Variants in RPS6KA4 observed in about 807,000 individuals in gnomAD.
The protein encoded by RPS6KA4 is ribosomal protein S6 kinase alpha-4.
RPS6KA4 carries 38 observed loss-of-function variants against 89.6 expected under a neutral mutation model. The ratio of observed to expected loss-of-function variants is 0.42; its 90% CI spans 0.33 to 0.56. The LOEUF (loss-of-function observed/expected upper bound fraction) is 0.56, where lower values mean the gene tolerates loss of function less well. Among genes scored for constraint, RPS6KA4 ranks in the 20% least tolerant of loss-of-function variants. The pLI is 0.07. For missense variants in RPS6KA4, 873 were observed against 1,098.8 expected (o/e 0.79, Z 2.90); for synonymous variants, 495 against 492.8 (o/e 1.00, Z -0.06).
rs1260127843 is a variant in RPS6KA4, at chr11:64,371,173, T to C, written c.2122-110T>C. On this transcript the variant is annotated intron_variant, in intron 16 of 16. Transcript: ENST00000334205. The stretch of plus-strand genomic sequence containing the variant: ...GGTCGGTCTGGAGGCCAAGGCCCTG[T>C]CGGCCTTGACCTAGGCGGCTGGAGG... 1.2e-5 allele frequency: 11 copies of C among 952,764 alleles called. 1 individual carries two copies. In the African/African-American group the frequency reaches 1.6e-4, roughly 14 times the overall value. 59.0% of individuals were successfully genotyped at this position (952,764 alleles called of 1,614,324 possible). A position where few individuals can be genotyped will look rare whatever the true frequency, so the allele number is the denominator to read the frequency against.
chr11:64,364,148 T>A (rs2036821928), intron 8 of RPS6KA4, among the ~76,000 whole-genome samples: 1 of 9,694 alleles, frequency 1.0e-4, no homozygotes, highest in South Asian at 0.033. Context: ...TCTTCTTTTT[T>A]TTTTTTTAAT....
chr11:64,370,375 C>G lies in RPS6KA4; in HGVS notation c.1948C>G (p.Leu650Val), dbSNP rs778349519. 1.2e-6 allele frequency: 2 copies of G among 1,609,788 alleles called. No individual in the cohort carries two copies. The highest frequency in any genetic ancestry group is 1.7e-5 in the Admixed American group (1 of 58,436). ...WQGVSEEAKE[L>V]VRGLLTVDPA... ...GGGTGTATCCGAGGAAGCCAAGGAGCTGGTCCGAGGTGCGGAGCTGGAGGT... is the reference window on the plus strand; with the variant it reads ...GGGTGTATCCGAGGAAGCCAAGGAGGTGGTCCGAGGTGCGGAGCTGGAGGT... Residue 650 changes from leucine (L) to valine (V), a missense_variant, in exon 15 of 17, where the codon CTG becomes GTG. By Grantham distance (32) the Leu-to-Val change is conservative. Around this residue, in one of 4 missense-constraint regions of RPS6KA4, gnomAD observed 278 missense variants for 284.8 expected, o/e 0.98. Coordinates refer to ENST00000334205, the MANE Select transcript of RPS6KA4 (RefSeq NM_003942.3). The surrounding 1 kb of genome is among the most constrained non-coding windows in gnomAD (Gnocchi z 4.1).
At position 64,360,660 on chromosome 11, in the gene RPS6KA4, C is replaced by G. The variant is rs182591657; in HGVS notation, c.462+68C>G. The G allele has an allele frequency of 3.3e-4, 453 of 1,369,010 alleles. 8 individuals carry two copies. The Admixed American group carries it at 5.4e-3, about 16-fold the overall frequency. The allele number at this position is 1,369,010 out of a possible 1,614,324, so 84.8% of individuals were successfully genotyped here. The stretch of plus-strand genomic sequence containing the variant: ...GTCTGTGCCTTGGAAGGAATCTGCA[C>G]GCAGGGCAGCCTCAGGCTTCCCCCT... On this transcript the variant is annotated intron_variant, in intron 4 of 16. Coordinates refer to ENST00000334205, the MANE Select transcript of RPS6KA4 (RefSeq NM_003942.3).
Position 64,370,724 on chromosome 11 carries a change from A to C in RPS6KA4, c.2119A>C (p.Met707Leu), listed in dbSNP as rs374804549. The C allele has an allele frequency of 4.3e-5, 66 of 1,546,540 alleles. No individual in the cohort carries two copies. The highest frequency in any genetic ancestry group is 5.6e-5 in the Non-Finnish European group (64 of 1,148,642). The change falls in exon 16 of 17, where the codon ATG becomes CTG. Residue 707 changes from methionine to leucine, a missense_variant and splice_region_variant. By Grantham distance (15) the Met-to-Leu change is conservative. Transcript: ENST00000334205. This position sits in a 1 kb window ranked among gnomAD's most constrained non-coding sequence, Gnocchi z 4.1. Reference protein sequence around the residue: ...AVRSGLNATFMAFNRGKREGF... With the variant: ...AVRSGLNATFLAFNRGKREGF... ...GCGCTCGGGTCTCAACGCCACCTTCATGGTAAGGGGCAGGGTCTGTTGAAG... is the reference window on the plus strand; with the variant it reads ...GCGCTCGGGTCTCAACGCCACCTTCCTGGTAAGGGGCAGGGTCTGTTGAAG...
rs1411766081 is a variant in RPS6KA4 at position 64,360,355 on chromosome 11, C to T, written c.320C>T (p.Thr107Met). 1.3e-6 allele frequency: 2 copies of T among 1,549,648 alleles called. No individual in the cohort carries two copies. The highest frequency in any genetic ancestry group is 2.0e-5 in the Admixed American group (1 of 50,976). ...GTCACGCTGCACTACGCTTTCCAGA[C>T]GGATGCCAAGCTGCACCTCATCCTG... The part of the protein sequence containing the change: ...FLVTLHYAFQ[T>M]DAKLHLILDY... The change falls in exon 3 of 17, where the codon ACG (threonine) becomes ATG (methionine). Residue 107 changes from threonine to methionine, a missense_variant. Thr to Met is a moderately conservative substitution (Grantham distance 81, BLOSUM62 -1). This residue lies in a region of RPS6KA4 where 542 missense variants were observed against 736.4 expected (regional missense o/e 0.74). Transcript: ENST00000334205.
Position 64,370,583 on chromosome 11 carries a change from G to A in RPS6KA4, c.1978G>A (p.Ala660Thr). ...LVRGLLTVDP[A>T]KRLKLEGLRG... Reference sequence around the variant, plus strand: ...TCCAGGGCTCCTGACCGTGGACCCCGCCAAGCGGCTGAAGCTCGAGGGACT... The same window carrying A: ...TCCAGGGCTCCTGACCGTGGACCCCACCAAGCGGCTGAAGCTCGAGGGACT... Residue 660 changes from alanine (A) to threonine (T), a missense_variant, in exon 16 of 17, where the codon GCC (alanine) becomes ACC (threonine). This residue lies in a region of RPS6KA4 where 278 missense variants were observed against 284.8 expected (regional missense o/e 0.98). Transcript: ENST00000334205. This position sits in a 1 kb window ranked among gnomAD's most constrained non-coding sequence, Gnocchi z 4.1. The A allele has an allele frequency of 1.3e-6, 2 of 1,591,814 alleles. No individual in the cohort carries two copies. Among genetic ancestry groups the A allele is most frequent in the Non-Finnish European group, 8.5e-7 (1 of 1,175,622 alleles).
rs1014363037 is a variant in RPS6KA4 at position 64,361,380 on chromosome 11, C to T, written c.571-89C>T. 2 of 1,522,846 alleles carry T rather than the reference C, an allele frequency of 1.3e-6. No homozygotes were observed. The highest frequency in any genetic ancestry group is 1.9e-4 in the Middle Eastern group (1 of 5,328). 94.3% of individuals were successfully genotyped at this position (1,522,846 alleles called of 1,614,324 possible). The stretch of plus-strand genomic sequence containing the variant: ...TCCACAGCTCAGCTCTCCAACCTCA[C>T]AAGTTGAGCGAGTCTTACTCTGGGC... On this transcript the variant is annotated intron_variant, in intron 5 of 16. Transcript: ENST00000334205. This position sits in a 1 kb window ranked among gnomAD's most constrained non-coding sequence, Gnocchi z 4.7.
Position 64,366,047 on chromosome 11 carries a change from A to C in RPS6KA4, c.1071+582A>C, listed in dbSNP as rs191149806. On this transcript the variant is annotated intron_variant, in intron 9 of 16. Coordinates refer to ENST00000334205, the MANE Select transcript of RPS6KA4 (RefSeq NM_003942.3). ...GAGTGAAACTCCGTCTCAAAAAAAA[A>C]AAAAAAGAGATCTTCACTTTCTCAC... is the stretch of plus-strand genomic sequence containing the variant. Among the ~76,000 whole-genome samples, 989 of 152,118 alleles carry C rather than the reference A, an allele frequency of 6.5e-3. 6 individuals carry two copies. Among genetic ancestry groups the C allele is most frequent in the Non-Finnish European group, 8.9e-3 (604 of 67,978 alleles).
Position 64,368,391 on chromosome 11 carries a change from G to T in RPS6KA4, c.1201-77G>T. 15 of 1,541,120 alleles carry T rather than the reference G, an allele frequency of 9.7e-6. No individual in the cohort carries two copies. The South Asian group carries it at 1.8e-4, about 18-fold the overall frequency. On this transcript the variant is annotated intron_variant, in intron 10 of 16. Coordinates refer to ENST00000334205, the MANE Select transcript of RPS6KA4 (RefSeq NM_003942.3). ...AGGTCCTAAGCCTCTCCGACATGGG[G>T]CGTGGCGGGGCCGCGGGGCTACCAG...
Position 64,361,367 on chromosome 11 carries a change from C to A in RPS6KA4, c.571-102C>A. ...GCTCCAAGAAGTTTCCACAGCTCAG[C>A]TCTCCAACCTCACAAGTTGAGCGAG... On this transcript the variant is annotated intron_variant, in intron 5 of 16. Coordinates refer to ENST00000334205, the MANE Select transcript of RPS6KA4 (RefSeq NM_003942.3). This position sits in a 1 kb window ranked among gnomAD's most constrained non-coding sequence, Gnocchi z 4.7. 5 of 1,483,862 alleles carry A rather than the reference C, an allele frequency of 3.4e-6. No individual in the cohort carries two copies. The South Asian group carries it at 5.9e-5, about 17-fold the overall frequency. 91.9% of individuals were successfully genotyped at this position (1,483,862 alleles called of 1,614,324 possible). A position where few individuals can be genotyped will look rare whatever the true frequency, so the allele number is the denominator to read the frequency against.
At chr11:64,365,863 A>T (rs968536769) in intron 9 of RPS6KA4, among the ~76,000 whole-genome samples, 3 of 151,870 alleles carry the variant, frequency 2.0e-5, no homozygotes, top group Admixed American at 1.3e-4. Context: ...ACATGGGGAA[A>T]CCCCGTCTCT....
chr11:64,370,950 A>G lies in RPS6KA4; in HGVS notation c.2121+224A>G, dbSNP rs2037052109. On this transcript the variant is annotated intron_variant, in intron 16 of 16. Transcript: ENST00000334205. The surrounding 1 kb of genome is among the most constrained non-coding windows in gnomAD (Gnocchi z 4.1). ...GAAACCCCGTCTCTTCTAAAAAGAG[A>G]AAAATTAGCCGGGTGTGGTGGCGCG... Among the ~76,000 whole-genome samples the G allele has an allele frequency of 6.6e-6, 1 of 151,884 alleles. No homozygotes were observed. Among genetic ancestry groups the G allele is most frequent in the South Asian group, 2.1e-4 (1 of 4,814 alleles).
chr11:64,365,791 C>T (rs1360387524), intron 9 of RPS6KA4, among the ~76,000 whole-genome samples: 2 of 152,168 alleles, frequency 1.3e-5, no homozygotes, highest in African/African-American at 2.4e-5. Context: ...GTAATCCCAG[C>T]ACTTTGGGAG....
In RPS6KA4 at chr11:64,365,593, G is replaced by A. The variant is rs1366316952; in HGVS notation, c.1071+128G>A. 1.7e-5 allele frequency: 17 copies of A among 980,876 alleles called. No individual in the cohort carries two copies. In the East Asian group the frequency reaches 1.8e-4, roughly 11 times the overall value. The allele number at this position is 980,876 out of a possible 1,614,324, so 60.8% of individuals were successfully genotyped here. A position where few individuals can be genotyped will look rare whatever the true frequency, so the allele number is the denominator to read the frequency against. On this transcript the variant is annotated intron_variant, in intron 9 of 16. Coordinates refer to ENST00000334205, the MANE Select transcript of RPS6KA4 (RefSeq NM_003942.3). ...TTGGGACTCAGCGTCTCCCCTAGAC[G>A]TCGCCACTTCAGTGGGACCTAGGGT... is the stretch of plus-strand genomic sequence containing the variant.
Position 64,370,556 on chromosome 11 carries a change from C to T in RPS6KA4, c.1958-7C>T. The T allele has an allele frequency of 1.3e-6, 2 of 1,592,762 alleles. No homozygotes were observed. The highest frequency in any genetic ancestry group is 1.7e-6 in the Non-Finnish European group (2 of 1,175,316). ...CTCCTCCCCACACTTCCTTGCCCCG[C>T]CTCCAGGGCTCCTGACCGTGGACCC... On this transcript the variant is annotated splice_polypyrimidine_tract_variant and splice_region_variant and intron_variant, in intron 15 of 16. Coordinates refer to ENST00000334205, the MANE Select transcript of RPS6KA4 (RefSeq NM_003942.3). This position sits in a 1 kb window ranked among gnomAD's most constrained non-coding sequence, Gnocchi z 4.1.
At chr11:64,368,346 C>T in intron 10 of RPS6KA4, 86 bp downstream of exon 10, 1 of 1,553,554 alleles carries the variant, frequency 6.4e-7, no homozygotes, top group Non-Finnish European at 8.7e-7. Flanking sequence ...CCAACTGGCG[C>T]CCGCAGCGTG....
In RPS6KA4 at chr11:64,369,469, G is replaced by T. The variant is rs1361985675; in HGVS notation, c.1452G>T (p.Glu484Asp). ...AGCTGCACACGTACCTGGTCCTGGA[G>T]CTGCTGCGGGGCGGGGAGCTGCTGG... The part of the protein sequence containing the change: ...HDQLHTYLVL[E>D]LLRGGELLEH... The change falls in exon 13 of 17, where the codon GAG becomes GAT. Residue 484 changes from glutamate (E) to aspartate (D), a missense_variant. Glu to Asp is a conservative substitution (Grantham distance 45, BLOSUM62 2). This residue lies in a region of RPS6KA4 where 542 missense variants were observed against 736.4 expected (regional missense o/e 0.74). Coordinates refer to ENST00000334205, the MANE Select transcript of RPS6KA4 (RefSeq NM_003942.3). 6.2e-7 allele frequency: 1 copy of T among 1,608,204 alleles called. No homozygotes were observed. The highest frequency in any genetic ancestry group is 2.2e-5 in the East Asian group (1 of 44,782).
rs756803659 is a variant in RPS6KA4 at position 64,361,872 on chromosome 11, C to A, written c.776C>A (p.Pro259His). 1 of 1,612,830 alleles carries A rather than the reference C, an allele frequency of 6.2e-7. No homozygotes were observed. The highest frequency in any genetic ancestry group is 8.5e-7 in the Non-Finnish European group (1 of 1,179,834). Residue 259 changes from proline to histidine, a missense_variant, in exon 8 of 17, where the codon CCT becomes CAT. Pro to His is a moderately conservative substitution (Grantham distance 77). Around this residue, in one of 4 missense-constraint regions of RPS6KA4, gnomAD observed 542 missense variants for 736.4 expected, o/e 0.74. Coordinates refer to ENST00000334205, the MANE Select transcript of RPS6KA4 (RefSeq NM_003942.3). This position sits in a 1 kb window ranked among gnomAD's most constrained non-coding sequence, Gnocchi z 4.7. ...EVSRRILKCS[P>H]PFPPRIGPVA... is the part of the protein sequence containing the mutation. ...CCCAGACGGATCCTGAAGTGCTCCC[C>A]TCCCTTCCCCCCTCGGATCGGGCCC...
chr11:64,362,737 C>T (rs774786479), intron 8 of RPS6KA4, among the ~76,000 whole-genome samples: 56 of 152,230 alleles, frequency 3.7e-4, no homozygotes, highest in Non-Finnish European at 7.8e-4. Context: ...GTGGCACGAT[C>T]TCGGCTCAGT....
Sources: allele counts gnomAD v4.1 joint callset (sites outside exome capture counted in the v4.1 genomes callset), GRCh38; gene constraint gnomAD v4.1.1; regional missense constraint gnomAD v4.1.1; non-coding constraint Gnocchi (gnomAD v3.1); transcripts MANE v1.5; gene names NCBI Gene and HGNC (gene_info 2026-07-23, HGNC 2026-07-21).